Variants in STS observed in about 807,000 individuals in gnomAD.
The protein encoded by STS is steryl-sulfatase.
Under a neutral mutation model 26.8 loss-of-function variants are expected in STS, and 7 were observed. That is an observed-to-expected ratio of 0.26 (90% CI 0.15 to 0.49). The LOEUF (loss-of-function observed/expected upper bound fraction) is 0.49. Ranked by LOEUF, STS falls within the 20% of genes least tolerant of loss-of-function variation. STS has a pLI of 0.98. For synonymous variants in STS, 199 were observed against 189.4 expected (o/e 1.05, Z -0.42); for missense variants, 434 against 465.6 (o/e 0.93, Z 0.63).
At chrX:7,337,106 C>T (rs1292390125) in intron 10 of STS, among the ~76,000 whole-genome samples, 1 of 111,981 alleles carries the variant, frequency 8.9e-6, no homozygotes, top group African/African-American at 3.2e-5. Context: ...GAAAACAAGA[C>T]GTTTATGAAT....
intron 1 of STS, among the ~76,000 whole-genome samples, chrX:7,178,448 C>T (rs1306885530): frequency 1.5e-4 from 17 of 111,451 alleles, no homozygotes; most frequent in African/African-American, 5.6e-4. Context: ...CATATACTCC[C>T]GCTGCCGCAT....
intron 10 of STS, among the ~76,000 whole-genome samples, chrX:7,349,316 CTTTTTTTTTTTTTTTT>C (rs1178578773): frequency 9.5e-5 from 5 of 52,887 alleles, no homozygotes; most frequent in East Asian, 6.1e-4. Context: ...CATTTAATTC[CTTTTTTTTTTTTTTTT>C]TTTTTTTTTT....
chrX:7,161,849 T>C (rs1448993427), intron 1 of STS, among the ~76,000 whole-genome samples: 1 of 112,015 alleles, frequency 8.9e-6, no homozygotes, highest in Non-Finnish European at 1.9e-5. Flanking sequence ...GACAATGCTT[T>C]ACTGAGTACC....
intron 7 of STS, among the ~76,000 whole-genome samples, chrX:7,281,027 A>G (rs1385038915): frequency 1.8e-5 from 2 of 111,868 alleles, no homozygotes; most frequent in African/African-American, 6.5e-5. Context: ...TTAGCCAGGC[A>G]TGGTGTCACA....
intron 2 of STS, among the ~76,000 whole-genome samples, chrX:7,247,314 G>C (rs1922931930): frequency 8.9e-6 from 1 of 112,179 alleles, no homozygotes; most frequent in South Asian, 3.7e-4. Context: ...ACTCAATGTA[G>C]ATAAGGAGAA....
rs186175718 is a variant in STS, at chrX:7,258,494, A to G, written c.383-855A>G. Among the ~76,000 whole-genome samples, 256 of 111,896 alleles carry G rather than the reference A, an allele frequency of 2.3e-3. 4 individuals carry two copies. Among genetic ancestry groups the G allele is most frequent in the Non-Finnish European group, 3.0e-3 (157 of 53,127 alleles). ...TCATTTTACTTTCCAATATAAAATT[A>G]TGTCAGAATTTGTCTTGGTTGACAC... On this transcript the variant is annotated intron_variant, in intron 5 of 10. Coordinates refer to ENST00000674429, the MANE Select transcript of STS (RefSeq NM_001320752.2).
intron 2 of STS, among the ~76,000 whole-genome samples, chrX:7,227,276 A>G (rs1287543307): frequency 1.8e-5 from 2 of 111,307 alleles, no homozygotes; most frequent in East Asian, 5.6e-4. Context: ...AAAAAATTGA[A>G]TGTTACTTTG....
intron 1 of STS, among the ~76,000 whole-genome samples, chrX:7,175,585 AGG>A (rs1439618261): frequency 1.8e-5 from 2 of 112,268 alleles, no homozygotes; most frequent in African/African-American, 6.5e-5. Context: ...ACATGATTAC[AGG>A]TTATAGTATC....
At chrX:7,168,892 G>C (rs1489263348) in intron 1 of STS, among the ~76,000 whole-genome samples, 2 of 111,130 alleles carry the variant, frequency 1.8e-5, no homozygotes, top group Admixed American at 1.9e-4. Context: ...TTTCATTTTG[G>C]GGATGTCATA....
chrX:7,213,436 T>C lies in STS; in HGVS notation c.-5+22428T>C, dbSNP rs1921113774. Among the ~76,000 whole-genome samples, 4 of 109,240 alleles carry C rather than the reference T, an allele frequency of 3.7e-5. No homozygotes were observed. The Admixed American group carries it at 3.9e-4, about 11-fold the overall frequency. 94.9% of individuals were successfully genotyped at this position (109,240 alleles called of 115,157 possible). On this transcript the variant is annotated intron_variant, in intron 2 of 10. Transcript: ENST00000674429. ...CTGTCTCTGAGCTAATAGGCGAGAG[T>C]TGTAAAGGGGACCATCTTTCGGTGG...
At chrX:7,318,027 T>C (rs1417930993) in intron 8 of STS, among the ~76,000 whole-genome samples, 1 of 111,966 alleles carries the variant, frequency 8.9e-6, no homozygotes, top group Non-Finnish European at 1.9e-5. Context: ...ATACCATCAA[T>C]TACTGGCTGT....
At chrX:7,285,359 T>C (rs1347529776) in intron 7 of STS, among the ~76,000 whole-genome samples, 1 of 111,932 alleles carries the variant, frequency 8.9e-6, no homozygotes, top group Non-Finnish European at 1.9e-5. Context: ...TTATCTGATA[T>C]ACAGGATAAT....
chrX:7,240,647 G>A (rs1223812765), intron 2 of STS, among the ~76,000 whole-genome samples: 2 of 106,184 alleles, frequency 1.9e-5, no homozygotes, highest in Admixed American at 2.0e-4. Flanking sequence ...CAGCTAATGG[G>A]ACCAGTATCT....
At chrX:7,238,985 A>C (rs1922461704) in intron 2 of STS, among the ~76,000 whole-genome samples, 1 of 111,672 alleles carries the variant, frequency 9.0e-6, no homozygotes. Flanking sequence ...TTACTTTTTT[A>C]AACATAATTT....
At chrX:7,222,641 C>T (rs1262417699) in intron 2 of STS, among the ~76,000 whole-genome samples, 1 of 110,269 alleles carries the variant, frequency 9.1e-6, no homozygotes, top group Non-Finnish European at 1.9e-5. Flanking sequence ...TGTTTTCCAT[C>T]TCAGAACAGA....
chrX:7,193,150 A>G (rs1215442551), intron 2 of STS, among the ~76,000 whole-genome samples: 1 of 112,701 alleles, frequency 8.9e-6, no homozygotes, highest in African/African-American at 3.2e-5. Flanking sequence ...TTAAAGCCTC[A>G]GCTTATATTC....
intron 2 of STS, among the ~76,000 whole-genome samples, chrX:7,220,462 G>A (rs1348006246): frequency 1.8e-5 from 2 of 109,193 alleles, no homozygotes; most frequent in Non-Finnish European, 3.8e-5. Flanking sequence ...ACCACCATTC[G>A]AGCACACTTA....
intron 2 of STS, among the ~76,000 whole-genome samples, chrX:7,217,624 G>A (rs779262093): frequency 4.5e-5 from 5 of 111,016 alleles, no homozygotes; most frequent in East Asian, 5.7e-4. Context: ...TTACTGCTTC[G>A]GAGGTTTGTT....
intron 1 of STS, among the ~76,000 whole-genome samples, chrX:7,159,122 T>A (rs1400165037): frequency 9.0e-6 from 1 of 111,711 alleles, no homozygotes; most frequent in Non-Finnish European, 1.9e-5. Context: ...GGCTTTTTTT[T>A]TTCTTTCTCC....
Sources: allele counts gnomAD v4.1 joint callset (sites outside exome capture counted in the v4.1 genomes callset), GRCh38; gene constraint gnomAD v4.1.1; transcripts MANE v1.5; gene names NCBI Gene and HGNC (gene_info 2026-07-23, HGNC 2026-07-21).